Variants in BRINP2 observed in about 807,000 individuals in gnomAD.
The protein encoded by BRINP2 is BMP/retinoic acid inducible neural specific 2.
Under a neutral mutation model 69.2 loss-of-function variants are expected in BRINP2, and 21 were observed. The ratio of observed to expected loss-of-function variants is 0.30; its 90% CI spans 0.22 to 0.44. The LOEUF (loss-of-function observed/expected upper bound fraction) is 0.44, where lower values mean the gene tolerates loss of function less well. Among genes scored for constraint, BRINP2 ranks in the 20% least tolerant of loss-of-function variants. The pLI is 1.00. For synonymous variants in BRINP2, 380 were observed against 394.1 expected, an observed-to-expected ratio of 0.96 and a Z score of 0.42; for missense variants, 877 against 986.0, an observed-to-expected ratio of 0.89 and a Z score of 1.48.
chr1:177,213,806 A>G (rs116117205), intron 1 of BRINP2, among the ~76,000 whole-genome samples: 8 of 152,244 alleles, frequency 5.3e-5, no homozygotes, highest in Non-Finnish European at 8.8e-5. Context: ...CTTTTCTCCC[A>G]TCTTCCCTTT....
Position 177,209,556 on chromosome 1 carries a change from C to A in BRINP2, c.-76-20245C>A, listed in dbSNP as rs144847627. On this transcript the variant is annotated intron_variant, in intron 1 of 7. Transcript: ENST00000361539. ...GGCTGGGCAATAGCTAAAGGAGTGA[C>A]ATTTGTGAATGAGTGTGATGAATTG... Among the ~76,000 whole-genome samples the A allele has an allele frequency of 4.7e-3, 721 of 152,280 alleles. 4 individuals are homozygous for A. Among genetic ancestry groups the A allele is most frequent in the Non-Finnish European group, 5.1e-3 (349 of 68,030 alleles).
intron 2 of BRINP2, among the ~76,000 whole-genome samples, chr1:177,244,567 C>G (rs976333516): frequency 6.6e-6 from 1 of 152,162 alleles, no homozygotes; most frequent in Non-Finnish European, 1.5e-5. Context: ...GAGACAGAGA[C>G]TGCAGTGAGC....
chr1:177,239,808 G>A (rs2102332470), intron 2 of BRINP2, among the ~76,000 whole-genome samples: 1 of 152,310 alleles, frequency 6.6e-6, no homozygotes, highest in East Asian at 1.9e-4. Flanking sequence ...GTATAGCTGT[G>A]CACAGATTAG....
chr1:177,213,406 A>G (rs1649283794), intron 1 of BRINP2, among the ~76,000 whole-genome samples: 1 of 152,150 alleles, frequency 6.6e-6, no homozygotes, highest in Non-Finnish European at 1.5e-5. Context: ...TCCTGGGGGC[A>G]AAATCACCCC....
Position 177,255,932 on chromosome 1 carries a change from T to C in BRINP2, c.283T>C (p.Trp95Arg). The C allele has an allele frequency of 6.2e-7, 1 of 1,614,194 alleles. No homozygotes were observed. Among genetic ancestry groups the C allele is most frequent in the Non-Finnish European group, 8.5e-7 (1 of 1,180,018 alleles). Residue 95 changes from tryptophan (W) to arginine (R), a missense_variant, in exon 3 of 8, where the codon TGG becomes CGG. Coordinates refer to ENST00000361539, the MANE Select transcript of BRINP2 (RefSeq NM_021165.4). ...RYRIYREFARWKVNNLALERK... is the reference protein window; with the variant it reads ...RYRIYREFARRKVNNLALERK... ...CTTTTCCCCCAGGGAGTTTGCCCGT[T>C]GGAAGGTGAACAACTTGGCTCTGGA...
intron 1 of BRINP2, among the ~76,000 whole-genome samples, chr1:177,216,851 G>A (rs1193192083): frequency 2.7e-5 from 4 of 147,350 alleles, no homozygotes; most frequent in African/African-American, 5.0e-5. Context: ...CGGTGTTTCT[G>A]CTGAGAAGTT....
At position 177,281,152 on chromosome 1, in the gene BRINP2, A is replaced by C; in HGVS notation, c.1976A>C (p.Glu659Ala). 1 of 1,614,250 alleles carries C rather than the reference A, an allele frequency of 6.2e-7. No individual in the cohort carries two copies. Among genetic ancestry groups the C allele is most frequent in the Non-Finnish European group, 8.5e-7 (1 of 1,180,042 alleles). The part of the protein sequence containing the change: ...RIKSLDDSSN[E>A]TIYYEPLEMT... ...AAGTCCCTGGATGACAGCTCCAATG[A>C]GACAATCTACTATGAGCCCCTGGAG... Residue 659 changes from glutamate to alanine, a missense_variant, in exon 8 of 8, where the codon GAG (glutamate) becomes GCG (alanine). Transcript: ENST00000361539.
In BRINP2 at chr1:177,280,680, T is replaced by C; in HGVS notation, c.1504T>C (p.Phe502Leu). 6.2e-7 allele frequency: 1 copy of C among 1,614,214 alleles called. No individual in the cohort carries two copies. The highest frequency in any genetic ancestry group is 2.2e-5 in the East Asian group (1 of 44,870). ...AGAGGTGGCCGAGTCCCTGGAAAAC[T>C]TTCTTGGGCTGGAGACAGACTTGCA... ...RPEVAESLEN[F>L]LGLETDLQDL... Residue 502 changes from phenylalanine (F) to leucine (L), a missense_variant, in exon 8 of 8, where the codon TTT (phenylalanine) becomes CTT (leucine). Coordinates refer to ENST00000361539, the MANE Select transcript of BRINP2 (RefSeq NM_021165.4).
intron 3 of BRINP2, chr1:177,256,569 C>T (rs1650766148): frequency 1.0e-6 from 1 of 985,426 alleles, no homozygotes; most frequent in Non-Finnish European, 1.2e-6. Context: ...ATGAATCATC[C>T]TCTTGTGGGG....
intron 1 of BRINP2, among the ~76,000 whole-genome samples, chr1:177,216,316 G>A (rs1649374962): frequency 6.6e-6 from 1 of 151,964 alleles, no homozygotes; most frequent in African/African-American, 2.4e-5. Flanking sequence ...CATAGAACAT[G>A]TTACACTTAT....
At chr1:177,265,828 A>G (rs1651099757) in intron 4 of BRINP2, among the ~76,000 whole-genome samples, 1 of 152,094 alleles carries the variant, frequency 6.6e-6, no homozygotes, top group South Asian at 2.1e-4. Context: ...GAGGTTTAAT[A>G]ATAAAGTGTA....
At chr1:177,225,355 C>T (rs1230463215) in intron 1 of BRINP2, among the ~76,000 whole-genome samples, 1 of 152,180 alleles carries the variant, frequency 6.6e-6, no homozygotes, top group African/African-American at 2.4e-5. Context: ...AGATGTAAAA[C>T]CGTCTTAAGT....
chr1:177,195,667 G>GA (rs1468045195), intron 1 of BRINP2, among the ~76,000 whole-genome samples: 1 of 151,634 alleles, frequency 6.6e-6, no homozygotes, highest in Admixed American at 6.6e-5. Flanking sequence ...AGTGGGGGGG[G>GA]AATCAATCCC....
At chr1:177,199,113 A>G (rs746712885) in intron 1 of BRINP2, among the ~76,000 whole-genome samples, 1 of 152,340 alleles carries the variant, frequency 6.6e-6, no homozygotes, top group African/African-American at 2.4e-5. Flanking sequence ...CAGGGGAAGC[A>G]TATGTAAAGA....
chr1:177,250,947 A>G (rs1006134406), intron 2 of BRINP2, among the ~76,000 whole-genome samples: 6 of 152,312 alleles, frequency 3.9e-5, no homozygotes, highest in Admixed American at 2.0e-4. Flanking sequence ...TCCCCCTTAT[A>G]TGGTGTTTTG....
In BRINP2 at chr1:177,253,558, A is replaced by G. The variant is rs80078809; in HGVS notation, c.270-2361A>G. Among the ~76,000 whole-genome samples the G allele has an allele frequency of 1.3e-3, 190 of 151,862 alleles. 3 individuals carry two copies. Among genetic ancestry groups the G allele is most frequent in the Middle Eastern group, 6.8e-3 (2 of 294 alleles). Reference sequence around the variant, plus strand: ...CAGTTTGATGTAATCCCATTTGTTTATTTTTGCTTTTGTTGCCTGTGCTTT... The same window carrying G: ...CAGTTTGATGTAATCCCATTTGTTTGTTTTTGCTTTTGTTGCCTGTGCTTT... On this transcript the variant is annotated intron_variant, in intron 2 of 7. Transcript: ENST00000361539.
At chr1:177,228,218 A>G (rs570037552) in intron 1 of BRINP2, among the ~76,000 whole-genome samples, 1 of 152,348 alleles carries the variant, frequency 6.6e-6, no homozygotes, top group South Asian at 2.1e-4. Context: ...GGAGTGAAGG[A>G]ATGACGCTGA....
chr1:177,256,352 T>C, intron 3 of BRINP2: 1 of 985,422 alleles, frequency 1.0e-6, no homozygotes, highest in Non-Finnish European at 1.2e-6. Context: ...GACAGGCTCC[T>C]AACAAGCACT....
intron 4 of BRINP2, among the ~76,000 whole-genome samples, chr1:177,264,324 T>C (rs1272566020): frequency 6.6e-6 from 1 of 152,120 alleles, no homozygotes; most frequent in Non-Finnish European, 1.5e-5. Context: ...TAATAACAGC[T>C]ATTTATGACA....
Sources: gnomAD v4.1 joint callset for allele counts (sites outside exome capture counted in the v4.1 genomes callset) on GRCh38, gnomAD v4.1.1 for gene constraint, MANE v1.5 for transcripts, NCBI Gene and HGNC (gene_info 2026-07-23, HGNC 2026-07-21) for gene names.